The following KCNB2 variants were observed in gnomAD, a reference collection of about 807,000 sequenced individuals.
KCNB2 encodes potassium voltage-gated channel subfamily B member 2, also known as delayed rectifier potassium channel protein.
KCNB2 carries 15 observed loss-of-function variants against 61.5 expected under a neutral mutation model. The ratio of observed to expected loss-of-function variants is 0.24; its 90% confidence interval spans 0.16 to 0.38. The LOEUF (loss-of-function observed/expected upper bound fraction) is 0.38, where lower values mean the gene tolerates loss of function less well. Ranked by LOEUF, KCNB2 falls within the 10% of genes least tolerant of loss-of-function variation. KCNB2 has a pLI of 1.00. For missense variants in KCNB2, 828 were observed against 1,125.2 expected, an observed-to-expected ratio of 0.74 and a Z score of 3.78; for synonymous variants, 457 against 446.0, an observed-to-expected ratio of 1.02 and a Z score of -0.31.
At chr8:72,915,169 T>A (rs1172451356) in intron 2 of KCNB2, among the ~76,000 whole-genome samples, 1 of 152,088 alleles carries the variant, frequency 6.6e-6, no homozygotes, top group East Asian at 1.9e-4. Flanking sequence ...CCTGACTCCA[T>A]GATCGGCCTC....
rs550983850 is a variant in KCNB2 at position 72,771,927 on chromosome 8, T to A, written c.580-164008T>A. On this transcript the variant is annotated intron_variant, in intron 2 of 2. Transcript: ENST00000523207. ...TATCCTCAGCACAGATTAGTTAGTA[T>A]CAAGAAGATTCCATGGAAAGCCACA... Among the ~76,000 whole-genome samples the A allele has an allele frequency of 6.6e-5, 10 of 152,170 alleles. No homozygotes were observed. In the South Asian group the frequency reaches 2.1e-3, roughly 32 times the overall value.
intron 1 of KCNB2, among the ~76,000 whole-genome samples, chr8:72,567,233 G>A (rs1289396959): frequency 6.6e-6 from 1 of 152,026 alleles, no homozygotes; most frequent in Admixed American, 6.6e-5. Context: ...GATCATCTGA[G>A]CCCAAGAGAT....
chr8:72,801,647 C>G (rs1370900235), intron 2 of KCNB2, among the ~76,000 whole-genome samples: 2 of 152,018 alleles, frequency 1.3e-5, no homozygotes, highest in Non-Finnish European at 2.9e-5. Context: ...GTAAACTCTT[C>G]GCTATAATAC....
intron 2 of KCNB2, among the ~76,000 whole-genome samples, chr8:72,672,228 G>A (rs1000920512): frequency 2.6e-5 from 4 of 152,130 alleles, no homozygotes; most frequent in African/African-American, 4.8e-5. Flanking sequence ...CAAAATTATT[G>A]CATTAAATTA....
chr8:72,622,061 G>A (rs1335202319), intron 2 of KCNB2, among the ~76,000 whole-genome samples: 1 of 152,130 alleles, frequency 6.6e-6, no homozygotes, highest in African/African-American at 2.4e-5. Context: ...GTCAATTAGT[G>A]TATATTTCAT....
chr8:72,561,703 A>ATATC (rs1388829711), intron 1 of KCNB2, among the ~76,000 whole-genome samples: 3 of 20,544 alleles, frequency 1.5e-4, no homozygotes, highest in African/African-American at 1.4e-3. Flanking sequence ...ATATATATAT[A>ATATC]TATATATATA....
chr8:72,548,038 A>C (rs1213550459), intron 1 of KCNB2, among the ~76,000 whole-genome samples: 1 of 152,228 alleles, frequency 6.6e-6, no homozygotes, highest in African/African-American at 2.4e-5. Flanking sequence ...ACCATCCATT[A>C]GCAAATAGAT....
At chr8:72,724,005 A>T (rs376593178) in intron 2 of KCNB2, among the ~76,000 whole-genome samples, 2 of 152,106 alleles carry the variant, frequency 1.3e-5, no homozygotes, top group East Asian at 1.9e-4. Flanking sequence ...GTTCTATCAC[A>T]ATGTTTACAT....
chr8:72,901,806 T>A (rs1166034299), intron 2 of KCNB2, among the ~76,000 whole-genome samples: 1 of 152,174 alleles, frequency 6.6e-6, no homozygotes, highest in East Asian at 1.9e-4. Flanking sequence ...TATTTTGCAT[T>A]CCCATCAGCA....
Position 72,609,153 on chromosome 8 carries a change from A to T in KCNB2, c.579+40840A>T, listed in dbSNP as rs979136753. Reference sequence around the variant, plus strand: ...CCAGAGCATTGAAGAGAATTTGTTCAACATCATATAGTAGCTAATTAAATA... The same window carrying T: ...CCAGAGCATTGAAGAGAATTTGTTCTACATCATATAGTAGCTAATTAAATA... On this transcript the variant is annotated intron_variant, in intron 2 of 2. Transcript: ENST00000523207. Among the ~76,000 whole-genome samples the T allele has an allele frequency of 3.3e-5, 5 of 152,330 alleles. No homozygotes were observed. In the East Asian group the frequency reaches 9.7e-4, roughly 29 times the overall value.
intron 2 of KCNB2, among the ~76,000 whole-genome samples, chr8:72,922,030 C>CT (rs1203270668): frequency 2.6e-5 from 4 of 152,196 alleles, no homozygotes; most frequent in Non-Finnish European, 4.4e-5. Context: ...GAAAGGTACT[C>CT]TCTCACAGTT....
At chr8:72,734,364 C>T (rs539927314) in intron 2 of KCNB2, among the ~76,000 whole-genome samples, 2 of 152,192 alleles carry the variant, frequency 1.3e-5, no homozygotes, top group South Asian at 4.1e-4. Context: ...ATTATTATCA[C>T]TCAGACTGGT....
At chr8:72,601,615 A>G (rs1167537487) in intron 2 of KCNB2, among the ~76,000 whole-genome samples, 1 of 152,198 alleles carries the variant, frequency 6.6e-6, no homozygotes, top group Non-Finnish European at 1.5e-5. Context: ...ACTCATTACA[A>G]CTTGATTGAT....
intron 2 of KCNB2, among the ~76,000 whole-genome samples, chr8:72,665,107 A>G (rs1806445665): frequency 1.3e-5 from 2 of 152,190 alleles, no homozygotes; most frequent in South Asian, 2.1e-4. Flanking sequence ...GAGGGTATTG[A>G]CTGGGGCTGT....
chr8:72,912,224 TA>T (rs1188866059), intron 2 of KCNB2, among the ~76,000 whole-genome samples: 14 of 152,158 alleles, frequency 9.2e-5, no homozygotes, highest in Non-Finnish European at 1.6e-4. Context: ...CCAAAATGTG[TA>T]ACCCAACTCC....
intron 2 of KCNB2, among the ~76,000 whole-genome samples, chr8:72,837,835 T>A (rs5003491): frequency 0.79 from 120,016 of 151,190 alleles, 48,137 homozygotes; most frequent in Middle Eastern, 0.93. Flanking sequence ...ATCCTTTTTT[T>A]AAAAAAAAAT....
intron 1 of KCNB2, among the ~76,000 whole-genome samples, chr8:72,540,420 A>G (rs1228420911): frequency 1.3e-5 from 2 of 152,166 alleles, no homozygotes; most frequent in African/African-American, 2.4e-5. Flanking sequence ...CGAGATTTCT[A>G]TTATTTTCAC....
chr8:72,596,124 G>T (rs919882215), intron 2 of KCNB2, among the ~76,000 whole-genome samples: 3 of 152,112 alleles, frequency 2.0e-5, no homozygotes, highest in African/African-American at 7.2e-5. Context: ...TAGGAAGAAG[G>T]CATTATTATA....
intron 2 of KCNB2, among the ~76,000 whole-genome samples, chr8:72,925,243 A>C (rs955134262): frequency 6.6e-6 from 1 of 152,222 alleles, no homozygotes; most frequent in Non-Finnish European, 1.5e-5. Flanking sequence ...TAGGTGTCCA[A>C]GGAACAAAGC....
Sources: gnomAD v4.1 joint callset for allele counts (sites outside exome capture counted in the v4.1 genomes callset) on GRCh38, gnomAD v4.1.1 for gene constraint, MANE v1.5 for transcripts, NCBI Gene and HGNC (gene_info 2026-07-23, HGNC 2026-07-21) for gene names.